The following GPC5 variants were observed in gnomAD, a reference collection of about 807,000 sequenced individuals.
GPC5 encodes the protein glypican-5.
Under a neutral mutation model 53.9 loss-of-function variants are expected in GPC5, and 47 were observed. The observed-to-expected ratio is 0.87, with a 90% CI of 0.69 to 1.11. GPC5 has a LOEUF of 1.11. Among genes scored for constraint, GPC5 ranks in the 50% most tolerant of loss-of-function variants. GPC5 has a pLI of 0.00. For missense variants in GPC5, 748 were observed against 713.1 expected, an observed-to-expected ratio of 1.05 and a Z score of -0.56; for synonymous variants, 286 against 263.3, an observed-to-expected ratio of 1.09 and a Z score of -0.84.
intron 6 of GPC5, among the ~76,000 whole-genome samples, chr13:91,977,557 G>A (rs1235531000): frequency 6.6e-6 from 1 of 152,042 alleles, no homozygotes; most frequent in African/African-American, 2.4e-5. Flanking sequence ...TTGACATTAG[G>A]ATTATTTTTA....
intron 6 of GPC5, among the ~76,000 whole-genome samples, chr13:92,008,741 A>G (rs915196817): frequency 6.6e-6 from 1 of 152,044 alleles, no homozygotes; most frequent in Non-Finnish European, 1.5e-5. Context: ...TAGATTTTTG[A>G]CATTACTTCT....
At chr13:92,462,142 G>A (rs1159844875) in intron 7 of GPC5, among the ~76,000 whole-genome samples, 1 of 152,182 alleles carries the variant, frequency 6.6e-6, no homozygotes, top group Non-Finnish European at 1.5e-5. Context: ...GACAGCGGAA[G>A]CCACTAGAGG....
chr13:92,752,704 T>C (rs1022704390), intron 7 of GPC5, among the ~76,000 whole-genome samples: 7 of 152,060 alleles, frequency 4.6e-5, no homozygotes, highest in Non-Finnish European at 8.8e-5. Context: ...GGAGTTCCCT[T>C]TCCTAGTCAA....
At chr13:91,404,455 A>C (rs1425716242) in intron 1 of GPC5, among the ~76,000 whole-genome samples, 1 of 152,244 alleles carries the variant, frequency 6.6e-6, no homozygotes, top group African/African-American at 2.4e-5. Flanking sequence ...TTTAATAGAT[A>C]ATAGCCATTT....
At chr13:92,419,651 T>C (rs1407239813) in intron 7 of GPC5, among the ~76,000 whole-genome samples, 5 of 152,200 alleles carry the variant, frequency 3.3e-5, no homozygotes, top group African/African-American at 7.2e-5. Context: ...TTGACAATTA[T>C]TGAAAATGGT....
chr13:92,757,554 A>G (rs900704329), intron 7 of GPC5, among the ~76,000 whole-genome samples: 2 of 152,100 alleles, frequency 1.3e-5, no homozygotes, highest in East Asian at 1.9e-4. Context: ...AACCTACAAA[A>G]TGGGAGAAAA....
chr13:91,822,424 G>T (rs1309377835), intron 5 of GPC5, among the ~76,000 whole-genome samples: 1 of 152,146 alleles, frequency 6.6e-6, no homozygotes, highest in African/African-American at 2.4e-5. Flanking sequence ...AAGAAATAAC[G>T]CATTAACCTT....
At chr13:91,400,465 G>C (rs986938212) in intron 1 of GPC5, among the ~76,000 whole-genome samples, 2 of 152,154 alleles carry the variant, frequency 1.3e-5, no homozygotes, top group Non-Finnish European at 2.9e-5. Context: ...GACATTCTCA[G>C]TTTAGGGCGA....
intron 7 of GPC5, among the ~76,000 whole-genome samples, chr13:92,567,701 A>T (rs1223262575): frequency 6.6e-6 from 1 of 152,126 alleles, no homozygotes; most frequent in East Asian, 1.9e-4. Flanking sequence ...AGCTAAAAAG[A>T]CAAGAACATG....
intron 6 of GPC5, among the ~76,000 whole-genome samples, chr13:92,137,947 C>T (rs2041798004): frequency 6.6e-6 from 1 of 152,124 alleles, no homozygotes; most frequent in Non-Finnish European, 1.5e-5. Context: ...AGTTTAGGTT[C>T]ACCTATTATA....
intron 2 of GPC5, among the ~76,000 whole-genome samples, chr13:91,681,700 C>G (rs2035512867): frequency 1.3e-5 from 2 of 152,096 alleles, no homozygotes; most frequent in South Asian, 4.1e-4. Flanking sequence ...TAAACGGTAT[C>G]TTTCTTTCCC....
intron 6 of GPC5, among the ~76,000 whole-genome samples, chr13:92,046,311 G>C (rs1300528351): frequency 6.6e-6 from 1 of 152,088 alleles, no homozygotes; most frequent in African/African-American, 2.4e-5. Context: ...GTTCAAGAAA[G>C]AACTTTTGTT....
At chr13:92,429,382 G>A (rs1876984078) in intron 7 of GPC5, among the ~76,000 whole-genome samples, 1 of 151,444 alleles carries the variant, frequency 6.6e-6, no homozygotes. Context: ...CAGAAAAATG[G>A]AAATAATAAT....
intron 2 of GPC5, among the ~76,000 whole-genome samples, chr13:91,469,389 G>A (rs1041840261): frequency 6.6e-5 from 10 of 151,994 alleles, no homozygotes; most frequent in African/African-American, 2.2e-4. Context: ...GATTACAGGC[G>A]TGAGTCGCTG....
chr13:92,192,350 A>G (rs746535592), intron 7 of GPC5, among the ~76,000 whole-genome samples: 4 of 152,022 alleles, frequency 2.6e-5, no homozygotes, highest in Non-Finnish European at 4.4e-5. Context: ...GTATATAGGA[A>G]CTCTGTACTT....
At position 92,408,046 on chromosome 13, in the gene GPC5, T is replaced by C. The variant is rs370818802; in HGVS notation, c.1561+263057T>C. On this transcript the variant is annotated intron_variant, in intron 7 of 7. Coordinates refer to ENST00000377067, the MANE Select transcript of GPC5 (RefSeq NM_004466.6). The stretch of plus-strand genomic sequence containing the variant: ...CCGTGGCCCATGGCCTGTTAGGAAC[T>C]TGTCTGCACCGCAGGAGGTAAGCAG... 6.6e-5 allele frequency among the ~76,000 whole-genome samples: 10 copies of C among 152,286 alleles called. No individual in the cohort carries two copies. In the East Asian group the frequency reaches 9.6e-4, roughly 15 times the overall value.
chr13:92,822,990 G>T (rs142837505), intron 7 of GPC5, among the ~76,000 whole-genome samples: 1 of 151,752 alleles, frequency 6.6e-6, no homozygotes, highest in Admixed American at 6.6e-5. Context: ...AAAAAATCAC[G>T]AGTGCCACAG....
At chr13:92,402,402 A>G (rs565749230) in intron 7 of GPC5, among the ~76,000 whole-genome samples, 17 of 152,178 alleles carry the variant, frequency 1.1e-4, no homozygotes, top group Non-Finnish European at 2.2e-4. Context: ...CATTCTTCAC[A>G]TTGCTAGTCT....
At chr13:92,464,754 G>A (rs987123285) in intron 7 of GPC5, among the ~76,000 whole-genome samples, 2 of 151,848 alleles carry the variant, frequency 1.3e-5, no homozygotes, top group African/African-American at 2.4e-5. Flanking sequence ...TAATTATATA[G>A]CATATCATGA....
Sources: gnomAD v4.1 joint callset for allele counts (sites outside exome capture counted in the v4.1 genomes callset) on GRCh38, gnomAD v4.1.1 for gene constraint, MANE v1.5 for transcripts, NCBI Gene and HGNC (gene_info 2026-07-23, HGNC 2026-07-21) for gene names.